Variants in GTF2A1L observed in about 807,000 individuals in gnomAD.
GTF2A1L encodes TFIIA-alpha and beta-like factor.
Under a neutral mutation model 49.7 loss-of-function variants are expected in GTF2A1L, and 48 were observed. The ratio of observed to expected loss-of-function variants is 0.97; its 90% CI spans 0.77 to 1.23. The LOEUF (loss-of-function observed/expected upper bound fraction) is 1.23. Among genes scored for constraint, GTF2A1L ranks in the 50% most tolerant of loss-of-function variants. The pLI is 0.00. For missense variants in GTF2A1L, 736 were observed against 564.8 expected (o/e 1.30, Z -3.07); for synonymous variants, 246 against 193.5 (o/e 1.27, Z -2.25).
At chr2:48,650,475 T>C (rs1320380536) in intron 6 of GTF2A1L, among the ~76,000 whole-genome samples, 3 of 152,160 alleles carry the variant, frequency 2.0e-5, no homozygotes, top group Non-Finnish European at 4.4e-5. Flanking sequence ...AGTGAGAGGA[T>C]AAGAGAATAT....
chr2:48,665,470 C>T (rs1267617487), intron 6 of GTF2A1L, among the ~76,000 whole-genome samples: 2 of 151,888 alleles, frequency 1.3e-5, no homozygotes, highest in African/African-American at 4.8e-5. Context: ...CTGTAAATTT[C>T]CCTCTAGGCA....
At chr2:48,677,602 G>C (rs1679541072) in intron 8 of GTF2A1L, among the ~76,000 whole-genome samples, 1 of 151,948 alleles carries the variant, frequency 6.6e-6, no homozygotes, top group African/African-American at 2.4e-5. Flanking sequence ...AATGACATCT[G>C]ATTTATGTTT....
At chr2:48,649,219 T>A (rs576149214) in intron 6 of GTF2A1L, among the ~76,000 whole-genome samples, 1 of 152,350 alleles carries the variant, frequency 6.6e-6, no homozygotes, top group East Asian at 1.9e-4. Flanking sequence ...TCACTTAGTA[T>A]AATGTTTTCA....
intron 8 of GTF2A1L, among the ~76,000 whole-genome samples, chr2:48,675,641 C>A (rs532805557): frequency 1.3e-5 from 2 of 151,652 alleles, no homozygotes; most frequent in South Asian, 2.1e-4. Flanking sequence ...GAAATGAAAC[C>A]TTTTACTACA....
chr2:48,639,716 TAA>T (rs745560817), intron 3 of GTF2A1L, among the ~76,000 whole-genome samples: 6 of 152,108 alleles, frequency 3.9e-5, no homozygotes, highest in African/African-American at 7.2e-5. Context: ...TAATTAAACT[TAA>T]GAGTTTCTGC....
chr2:48,626,515 A>G (rs1274852691), intron 3 of GTF2A1L, among the ~76,000 whole-genome samples: 1 of 143,742 alleles, frequency 7.0e-6, no homozygotes, highest in Non-Finnish European at 1.6e-5. Context: ...GAACATGGGT[A>G]TTTTCCCATT....
intron 6 of GTF2A1L, among the ~76,000 whole-genome samples, chr2:48,658,273 T>G (rs897716770): frequency 6.6e-6 from 1 of 152,204 alleles, no homozygotes; most frequent in Non-Finnish European, 1.5e-5. Flanking sequence ...TGAGTTAAGT[T>G]TTGTATATGG....
At chr2:48,659,291 T>TTAG (rs1389006581) in intron 6 of GTF2A1L, among the ~76,000 whole-genome samples, 3 of 152,150 alleles carry the variant, frequency 2.0e-5, no homozygotes, top group Non-Finnish European at 4.4e-5. Context: ...TCTAGGTTGT[T>TTAG]TAGTTTTTCT....
At chr2:48,631,245 A>G (rs945884487) in intron 3 of GTF2A1L, among the ~76,000 whole-genome samples, 3 of 152,100 alleles carry the variant, frequency 2.0e-5, no homozygotes, top group Non-Finnish European at 2.9e-5. Context: ...CTGTGAGTCT[A>G]TCTGGTCTGG....
At chr2:48,677,189 T>C (rs545387591) in intron 8 of GTF2A1L, among the ~76,000 whole-genome samples, 1 of 152,150 alleles carries the variant, frequency 6.6e-6, no homozygotes, top group East Asian at 1.9e-4. Flanking sequence ...ATATTCTTGT[T>C]CATTTTTCAT....
chr2:48,618,171 G>A, intron 1 of GTF2A1L: 2 of 445,274 alleles, frequency 4.5e-6, no homozygotes, highest in Non-Finnish European at 8.0e-6. Context: ...GTGTTTAGAG[G>A]TGGAACTGAT....
chr2:48,636,553 A>G (rs1676897681), intron 3 of GTF2A1L, among the ~76,000 whole-genome samples: 1 of 152,196 alleles, frequency 6.6e-6, no homozygotes, highest in Non-Finnish European at 1.5e-5. Flanking sequence ...CTTTTGCATC[A>G]TCAGTTCAAA....
intron 6 of GTF2A1L, among the ~76,000 whole-genome samples, chr2:48,662,276 A>G (rs1678552249): frequency 6.6e-6 from 1 of 152,262 alleles, no homozygotes; most frequent in African/African-American, 2.4e-5. Context: ...ATGTAGAAGA[A>G]TAAAATCAAT....
intron 3 of GTF2A1L, among the ~76,000 whole-genome samples, chr2:48,640,488 C>T (rs1558723823): frequency 6.6e-6 from 1 of 151,728 alleles, no homozygotes; most frequent in South Asian, 2.1e-4. Context: ...ATGATGAGAA[C>T]TCATGAACAC....
rs761917145 is a variant in GTF2A1L, at chr2:48,669,783, T to C, written c.1040T>C (p.Ile347Thr). ...ACTGATGATGATATTGGTGAAATAA[T>C]TCAAGTAGATGGAAGCGGTGATACA... is the stretch of plus-strand genomic sequence containing the variant. The part of the protein sequence containing the change: ...RVTDDDIGEI[I>T]QVDGSGDTSS... Residue 347 changes from isoleucine to threonine, a missense_variant, in exon 7 of 9, where the codon ATT (isoleucine) becomes ACT (threonine). Coordinates refer to ENST00000403751, the MANE Select transcript of GTF2A1L (RefSeq NM_006872.5). 3.7e-6 allele frequency: 6 copies of C among 1,614,018 alleles called. No individual in the cohort carries two copies. Among genetic ancestry groups the C allele is most frequent in the Non-Finnish European group, 4.2e-6 (5 of 1,179,976 alleles).
At chr2:48,623,923 G>A (rs1676153883) in intron 3 of GTF2A1L, among the ~76,000 whole-genome samples, 1 of 152,110 alleles carries the variant, frequency 6.6e-6, no homozygotes, top group South Asian at 2.1e-4. Context: ...GGAGAGAAGG[G>A]GGCAAGGGTT....
chr2:48,665,577 A>G (rs1449036120), intron 6 of GTF2A1L, among the ~76,000 whole-genome samples: 2 of 152,094 alleles, frequency 1.3e-5, no homozygotes, highest in Non-Finnish European at 2.9e-5. Context: ...GTCTTTGACC[A>G]TTGGGTATTT....
chr2:48,618,595 T>A (rs1323115422), intron 1 of GTF2A1L, among the ~76,000 whole-genome samples: 2 of 152,236 alleles, frequency 1.3e-5, no homozygotes, highest in Non-Finnish European at 2.9e-5. Flanking sequence ...TTTTATGGGT[T>A]CCGGGTATTA....
Position 48,646,825 on chromosome 2 carries a change from C to T in GTF2A1L, c.761C>T (p.Ser254Phe). ...LPGVVFSPQV[S>F]QTNSNVESVL... ...GGTGTTGTATTTTCTCCACAGGTCT[C>T]TCAAACAAATTCTAATGTGGAGTCA... Residue 254 changes from serine (S) to phenylalanine (F), a missense_variant, in exon 6 of 9, where the codon TCT (serine) becomes TTT (phenylalanine). Transcript: ENST00000403751. 6.2e-7 allele frequency: 1 copy of T among 1,614,174 alleles called. No individual in the cohort carries two copies. The highest frequency in any genetic ancestry group is 8.5e-7 in the Non-Finnish European group (1 of 1,180,008).
Sources: gnomAD v4.1 joint callset for allele counts (sites outside exome capture counted in the v4.1 genomes callset) on GRCh38, gnomAD v4.1.1 for gene constraint, MANE v1.5 for transcripts, NCBI Gene and HGNC (gene_info 2026-07-23, HGNC 2026-07-21) for gene names.